ZNF680: variants seen among roughly 807,000 people sequenced by gnomAD.
The protein encoded by ZNF680 is hypothetical protein FLJ90430.
A neutral mutation model predicts 12.1 loss-of-function variants in ZNF680; 6 were observed. The ratio of observed to expected loss-of-function variants is 0.49; its 90% CI spans 0.27 to 0.98. The LOEUF (loss-of-function observed/expected upper bound fraction) is 0.98, where lower values mean the gene tolerates loss of function less well. Ranked by LOEUF, ZNF680 falls within the 50% of genes least tolerant of loss-of-function variation. The probability of loss-of-function intolerance (pLI) is 0.12; values close to 1 mark genes in which losing one functional copy is unlikely to be tolerated. For synonymous variants in ZNF680, 170 were observed against 199.3 expected, an observed-to-expected ratio of 0.85 and a Z score of 1.24; for missense variants, 561 against 616.3, an observed-to-expected ratio of 0.91 and a Z score of 0.95.
At chr7:64,540,431 A>G (rs970309326) in intron 3 of ZNF680, among the ~76,000 whole-genome samples, 10 of 151,966 alleles carry the variant, frequency 6.6e-5, no homozygotes, top group Non-Finnish European at 1.3e-4. Flanking sequence ...CAGCCTCCCA[A>G]GTAGCTGGGA....
chr7:64,501,448 C>T, the ZNF680 span: 20 of 965,342 alleles, frequency 2.1e-5, no homozygotes, highest in Non-Finnish European at 3.3e-5. Flanking sequence ...GGTGGATTCA[C>T]CCCTGGAAAA....
chr7:64,544,969 C>G (rs959792564), intron 1 of ZNF680, among the ~76,000 whole-genome samples: 23 of 152,154 alleles, frequency 1.5e-4, no homozygotes, highest in African/African-American at 3.9e-4. Context: ...AGTAAAAGAG[C>G]CTGTGTTGGC....
At chr7:64,556,108 A>G (rs1224780086) in intron 1 of ZNF680, among the ~76,000 whole-genome samples, 1 of 152,072 alleles carries the variant, frequency 6.6e-6, no homozygotes, top group Non-Finnish European at 1.5e-5. Context: ...AATGCTTCTT[A>G]AAGAAGTCAG....
rs144844755 is a variant in ZNF680, at chr7:64,521,335, C to T, written c.1419G>A (p.Trp473Ter). 1.3e-4 allele frequency: 208 copies of T among 1,613,138 alleles called. No individual in the cohort carries two copies. Among genetic ancestry groups the T allele is most frequent in the Non-Finnish European group, 1.6e-4 (192 of 1,179,620 alleles). ...KCDECGNVFN[W>*]PATLANHKRI... ...TCTTATGATTAGCAAGAGTTGCAGG[C>T]CAGTTAAAAACATTGCCACATTCAT... is the stretch of plus-strand genomic sequence containing the variant. The change falls in exon 4 of 4, where the codon TGG (tryptophan) becomes TGA (stop). Residue 473 changes from tryptophan to a stop codon, truncating the protein, a stop_gained. Coordinates refer to ENST00000309683, the MANE Select transcript of ZNF680 (RefSeq NM_178558.5). LOFTEE classifies it low-confidence loss of function (END_TRUNC).
chr7:64,510,023 T>TAAAAA, the ZNF680 span, among the ~76,000 whole-genome samples: 957 of 105,860 alleles, frequency 9.0e-3, 18 homozygotes, highest in African/African-American at 0.035. Flanking sequence ...CGTAAAACTC[T>TAAAAA]AAAAAAAAAA....
chr7:64,555,017 G>T (rs1787332054), intron 1 of ZNF680, among the ~76,000 whole-genome samples: 1 of 151,826 alleles, frequency 6.6e-6, no homozygotes, highest in South Asian at 2.1e-4. Flanking sequence ...AAAATCTGTG[G>T]ATGTACATGA....
At chr7:64,562,033 GACC>G (rs1225336771) in intron 1 of ZNF680, among the ~76,000 whole-genome samples, 5 of 149,342 alleles carry the variant, frequency 3.3e-5, no homozygotes, top group African/African-American at 1.2e-4. Context: ...AGGAGTTCAA[GACC>G]AGCCTGTCCA....
At chr7:64,536,953 T>G (rs1351077116) in intron 3 of ZNF680, among the ~76,000 whole-genome samples, 1 of 152,136 alleles carries the variant, frequency 6.6e-6, no homozygotes, top group East Asian at 1.9e-4. Context: ...GTCTGTAGTT[T>G]CAGCTACACG....
rs1791563550 is a variant in ZNF680 at position 64,521,952 on chromosome 7, A to G, written c.802T>C (p.Cys268Arg). 1 of 1,612,746 alleles carries G rather than the reference A, an allele frequency of 6.2e-7. No individual in the cohort carries two copies. The highest frequency in any genetic ancestry group is 8.5e-7 in the Non-Finnish European group (1 of 1,179,540). Reference sequence around the variant, plus strand: ...CTAAAGGCTTTGCCACATTCTTCACATTTGAAGGGTTTCTCTTCAATATGA... The same window carrying G: ...CTAAAGGCTTTGCCACATTCTTCACGTTTGAAGGGTTTCTCTTCAATATGA... Reference protein sequence around the residue: ...KIHIEEKPFKCEECGKAFSLF... With the variant: ...KIHIEEKPFKREECGKAFSLF... Residue 268 changes from cysteine to arginine, a missense_variant, in exon 4 of 4, where the codon TGT becomes CGT. By Grantham distance (180) the Cys-to-Arg change is radical (BLOSUM62 -3). Transcript: ENST00000309683.
chr7:64,519,039 CAG>C (rs1323700077), downstream of ZNF680, among the ~76,000 whole-genome samples: 4 of 151,908 alleles, frequency 2.6e-5, no homozygotes, highest in Non-Finnish European at 5.9e-5. Context: ...AAATAATCAG[CAG>C]AGTTAACAGA....
intron 3 of ZNF680, among the ~76,000 whole-genome samples, chr7:64,541,995 T>C (rs1326210073): frequency 1.3e-5 from 2 of 152,216 alleles, no homozygotes; most frequent in South Asian, 2.1e-4. Context: ...CACATTCTGA[T>C]ATAAGGCCCA....
intron 3 of ZNF680, 48 bp downstream of exon 3, chr7:64,543,659 G>T: frequency 6.8e-7 from 1 of 1,471,062 alleles, no homozygotes; most frequent in Non-Finnish European, 9.4e-7. Context: ...TTGACATCTG[G>T]ACCTCTCATC....
intron 1 of ZNF680, among the ~76,000 whole-genome samples, chr7:64,558,278 T>C (rs1444912244): frequency 6.6e-6 from 1 of 151,752 alleles, no homozygotes; most frequent in African/African-American, 2.4e-5. Context: ...AACACTAGGA[T>C]CAAAAATGCT....
At chr7:64,549,678 T>TA (rs535286350) in intron 1 of ZNF680, among the ~76,000 whole-genome samples, 33,934 of 142,082 alleles carry the variant, frequency 0.24, 3,870 homozygotes, top group South Asian at 0.3. Context: ...TATGTCTACC[T>TA]AAAAAAAAAA....
chr7:64,547,420 T>A (rs997763719), intron 1 of ZNF680, among the ~76,000 whole-genome samples: 1 of 152,214 alleles, frequency 6.6e-6, no homozygotes, highest in African/African-American at 2.4e-5. Context: ...TTTGAATGAG[T>A]CTGCATTTGG....
Position 64,522,335 on chromosome 7 carries a change from T to C in ZNF680, c.419A>G (p.Asn140Ser). Reference protein sequence around the residue: ...DESKVFKEGYNELNQCLRTTQ... With the variant: ...DESKVFKEGYSELNQCLRTTQ... Reference sequence around the variant, plus strand: ...AGTTCTCAAACATTGGTTAAGTTCATTATAACCTTCTTTGAACACCTTAGA... The same window carrying C: ...AGTTCTCAAACATTGGTTAAGTTCACTATAACCTTCTTTGAACACCTTAGA... Residue 140 changes from asparagine (N) to serine (S), a missense_variant, in exon 4 of 4, where the codon AAT (asparagine) becomes AGT (serine). Physicochemically the swap from Asn to Ser is conservative, Grantham distance 46. Coordinates refer to ENST00000309683, the MANE Select transcript of ZNF680 (RefSeq NM_178558.5). The C allele has an allele frequency of 6.2e-7, 1 of 1,613,026 alleles. No homozygotes were observed. The highest frequency in any genetic ancestry group is 8.5e-7 in the Non-Finnish European group (1 of 1,179,434).
intron 3 of ZNF680, among the ~76,000 whole-genome samples, chr7:64,523,899 C>T (rs1470181700): frequency 1.3e-5 from 2 of 149,100 alleles, no homozygotes; most frequent in African/African-American, 2.5e-5. Flanking sequence ...GGCGACAGAG[C>T]GAGACTCCAT....
At position 64,531,861 on chromosome 7, in the gene ZNF680, T is replaced by A. The variant is rs189598256; in HGVS notation, c.254-9361A>T. On this transcript the variant is annotated intron_variant, in intron 3 of 3. Transcript: ENST00000309683. ...AGACTGATAGAGCACAAACTGAGAC[T>A]GTAAGGTCACACTTCAAGAAACTAG... 1.8e-4 allele frequency among the ~76,000 whole-genome samples: 27 copies of A among 152,102 alleles called. No homozygotes were observed. In the East Asian group the frequency reaches 4.5e-3, roughly 25 times the overall value.
chr7:64,513,958 T>C, the ZNF680 span, among the ~76,000 whole-genome samples: 27 of 152,184 alleles, frequency 1.8e-4, no homozygotes, highest in African/African-American at 6.0e-4. Context: ...AAAATTTTTA[T>C]GTAATAATAA....
Sources: gnomAD v4.1 joint callset for allele counts (sites outside exome capture counted in the v4.1 genomes callset) on GRCh38, gnomAD v4.1.1 for gene constraint, MANE v1.5 for transcripts, NCBI Gene and HGNC (gene_info 2026-07-23, HGNC 2026-07-21) for gene names.